MAGI1: variants seen among roughly 807,000 people sequenced by gnomAD.
MAGI1 encodes membrane-associated guanylate kinase, WW and PDZ domain-containing protein 1.
MAGI1 carries 58 observed loss-of-function variants against 139.9 expected under a neutral mutation model. The ratio of observed to expected loss-of-function variants is 0.41; its 90% CI spans 0.34 to 0.52. The LOEUF is 0.52. Among genes scored for constraint, MAGI1 ranks in the 20% least tolerant of loss-of-function variants. MAGI1 has a pLI of 0.12. For missense variants in MAGI1, 1,874 were observed against 1,901.6 expected, an observed-to-expected ratio of 0.99 and a Z score of 0.27; for synonymous variants, 812 against 737.9, an observed-to-expected ratio of 1.10 and a Z score of -1.63.
At chr3:65,423,162 C>T (rs1312827869) in intron 12 of MAGI1, among the ~76,000 whole-genome samples, 1 of 152,152 alleles carries the variant, frequency 6.6e-6, no homozygotes, top group Non-Finnish European at 1.5e-5. Flanking sequence ...CTATACACAA[C>T]CTGAATTCCC....
intron 2 of MAGI1, among the ~76,000 whole-genome samples, chr3:65,612,665 A>T (rs925511239): frequency 2.6e-5 from 4 of 152,282 alleles, no homozygotes; most frequent in Admixed American, 2.6e-4. Context: ...CCTTACTTGG[A>T]CCACAGAAGA....
chr3:65,718,900 T>C (rs750367034), intron 1 of MAGI1, among the ~76,000 whole-genome samples: 1 of 151,330 alleles, frequency 6.6e-6, no homozygotes, highest in Non-Finnish European at 1.5e-5. Context: ...CTTCCTCCCT[T>C]CCTTTCAAAA....
At chr3:65,999,561 A>G (rs2066631549) in intron 1 of MAGI1, among the ~76,000 whole-genome samples, 1 of 152,128 alleles carries the variant, frequency 6.6e-6, no homozygotes, top group South Asian at 2.1e-4. Context: ...CATGAATAAA[A>G]CAAGTCTATT....
At chr3:65,710,750 T>C (rs780538784) in intron 1 of MAGI1, among the ~76,000 whole-genome samples, 10 of 152,158 alleles carry the variant, frequency 6.6e-5, no homozygotes, top group Non-Finnish European at 1.3e-4. Flanking sequence ...ACACAACAAA[T>C]CAAGGTAGAA....
intron 2 of MAGI1, among the ~76,000 whole-genome samples, chr3:65,501,104 C>G (rs896151594): frequency 2.6e-5 from 4 of 152,172 alleles, no homozygotes; most frequent in African/African-American, 9.7e-5. Context: ...TACTTGATAT[C>G]TATCCCTCAA....
chr3:65,424,188 G>A (rs1050953230), intron 12 of MAGI1, among the ~76,000 whole-genome samples: 2 of 152,188 alleles, frequency 1.3e-5, no homozygotes, highest in African/African-American at 4.8e-5. Flanking sequence ...CTCAGGAAAT[G>A]ACAGTAGTGA....
chr3:65,572,197 T>G (rs548132836), intron 2 of MAGI1, among the ~76,000 whole-genome samples: 1 of 152,160 alleles, frequency 6.6e-6, no homozygotes, highest in Non-Finnish European at 1.5e-5. Context: ...AAGAATAATA[T>G]CTTATCAATA....
chr3:65,822,562 A>G (rs1427749223), intron 1 of MAGI1, among the ~76,000 whole-genome samples: 1 of 152,156 alleles, frequency 6.6e-6, no homozygotes, highest in African/African-American at 2.4e-5. Context: ...ATAAATAAAA[A>G]GAAATACCTG....
At chr3:65,416,950 T>C (rs1247099102) in intron 12 of MAGI1, among the ~76,000 whole-genome samples, 1 of 152,188 alleles carries the variant, frequency 6.6e-6, no homozygotes. Context: ...GTAAGCACCA[T>C]GGCAAATACT....
At chr3:65,372,624 A>T (rs933386393) in intron 18 of MAGI1, among the ~76,000 whole-genome samples, 8 of 152,038 alleles carry the variant, frequency 5.3e-5, no homozygotes, top group Admixed American at 3.3e-4. Context: ...TTAAATGACC[A>T]TCTTCTTTCA....
intron 2 of MAGI1, among the ~76,000 whole-genome samples, chr3:65,522,598 C>T: frequency 6.6e-6 from 1 of 152,182 alleles, no homozygotes; most frequent in Non-Finnish European, 1.5e-5. Flanking sequence ...CCAAACTCTA[C>T]ACAGTAAAAC....
chr3:65,356,623 T>A lies in MAGI1; in HGVS notation c.4144A>T (p.Arg1382Trp). Residue 1382 changes from arginine to tryptophan, a missense_variant, in exon 23 of 23, where the codon AGG becomes TGG. By Grantham distance (101) the Arg-to-Trp change is moderately radical. Transcript: ENST00000402939. ...RSLERLLEQR[R>W]SPERRRGGSP... ...CCCCCTCTCCTGCGCTCGGGGGACC[T>A]CCTCTGCTCCAGGAGTCTCTCCAGA... The A allele has an allele frequency of 6.3e-7, 1 of 1,590,668 alleles. No individual in the cohort carries two copies. Among genetic ancestry groups the A allele is most frequent in the South Asian group, 1.1e-5 (1 of 88,532 alleles).
chr3:66,010,779 G>A (rs1460922517), intron 1 of MAGI1, among the ~76,000 whole-genome samples: 6 of 152,072 alleles, frequency 3.9e-5, no homozygotes, highest in Admixed American at 3.9e-4. Flanking sequence ...CAAATTTTCT[G>A]CACACCACTC....
At chr3:65,688,333 C>G (rs899132059) in intron 1 of MAGI1, 1 of 683,610 alleles carries the variant, frequency 1.5e-6, no homozygotes, top group Non-Finnish European at 2.7e-6. Context: ...GAAATATCTA[C>G]CTGGGATGGA....
intron 1 of MAGI1, among the ~76,000 whole-genome samples, chr3:65,769,951 C>T (rs1281065745): frequency 6.6e-6 from 1 of 152,132 alleles, no homozygotes; most frequent in Non-Finnish European, 1.5e-5. Flanking sequence ...TCACAGTATC[C>T]AACAGGGCCC....
intron 1 of MAGI1, among the ~76,000 whole-genome samples, chr3:65,993,147 A>G (rs1308271575): frequency 6.6e-6 from 1 of 152,138 alleles, no homozygotes; most frequent in South Asian, 2.1e-4. Context: ...CAGATGCTTC[A>G]TATGCAAATG....
chr3:65,454,394 G>A (rs113512567), intron 5 of MAGI1, among the ~76,000 whole-genome samples: 2 of 147,786 alleles, frequency 1.4e-5, no homozygotes, highest in Admixed American at 6.8e-5. Flanking sequence ...GGTTGGGGGA[G>A]GGGAGAGGGA....
intron 1 of MAGI1, among the ~76,000 whole-genome samples, chr3:65,812,528 T>C (rs2643725): frequency 0.99 from 148,914 of 150,492 alleles, 73,707 homozygotes; most frequent in East Asian, 1. Context: ...GACTTATTTA[T>C]CCAAGTATCT....
chr3:65,509,721 T>A (rs993102076), intron 2 of MAGI1, among the ~76,000 whole-genome samples: 7 of 151,812 alleles, frequency 4.6e-5, no homozygotes, highest in Non-Finnish European at 8.8e-5. Flanking sequence ...GCAACGAGGC[T>A]GGGGGAGGGG....
Sources: allele counts gnomAD v4.1 joint callset (sites outside exome capture counted in the v4.1 genomes callset), GRCh38; gene constraint gnomAD v4.1.1; transcripts MANE v1.5; gene names NCBI Gene and HGNC (gene_info 2026-07-23, HGNC 2026-07-21).